The following MACROD2 variants were observed in gnomAD, a reference collection of about 807,000 sequenced individuals.
MACROD2 encodes the protein mono-ADP ribosylhydrolase 2, also known as ADP-ribose glycohydrolase MACROD2.
MACROD2 carries 36 observed loss-of-function variants against 70.4 expected under a neutral mutation model. The observed-to-expected ratio is 0.51, with a 90% confidence interval of 0.39 to 0.68. The LOEUF (loss-of-function observed/expected upper bound fraction) is 0.68. Among genes scored for constraint, MACROD2 ranks in the 30% least tolerant of loss-of-function variants. MACROD2 has a pLI of 0.00. For synonymous variants in MACROD2, 172 were observed against 178.8 expected, an observed-to-expected ratio of 0.96 and a Z score of 0.30; for missense variants, 496 against 538.4, an observed-to-expected ratio of 0.92 and a Z score of 0.78.
At chr20:15,741,148 G>A (rs2051099393) in intron 8 of MACROD2, among the ~76,000 whole-genome samples, 1 of 145,778 alleles carries the variant, frequency 6.9e-6, no homozygotes, top group Middle Eastern at 3.6e-3. Context: ...CTGGAGTGCA[G>A]TGGCGCAATC....
chr20:14,142,886 A>G (rs977834487), intron 3 of MACROD2, among the ~76,000 whole-genome samples: 1 of 152,152 alleles, frequency 6.6e-6, no homozygotes, highest in African/African-American at 2.4e-5. Context: ...CTTAAAAGAG[A>G]TACTTATGTC....
At chr20:14,551,373 T>TTTCAC (rs151333744) in intron 4 of MACROD2, among the ~76,000 whole-genome samples, 2,905 of 152,304 alleles carry the variant, frequency 0.019, 72 homozygotes, top group African/African-American at 0.045. Flanking sequence ...ATGGCATTGC[T>TTTCAC]TTCACTGCAA....
rs375680871 is a variant in MACROD2, at chr20:15,093,439, A to G, written c.419-136501A>G. 3.9e-4 allele frequency among the ~76,000 whole-genome samples: 60 copies of G among 151,958 alleles called. 1 individual carries two copies. In the East Asian group the frequency reaches 8.9e-3, roughly 23 times the overall value. ...TCTTCTTTCTCATTTCTTTGCTCCA[A>G]TGTTTAAATATTCCTGCCTTGTTAG... On this transcript the variant is annotated intron_variant, in intron 5 of 17. Transcript: ENST00000684519.
rs1568908470 is a variant in MACROD2, at chr20:14,977,497, ACAC to A, written c.419-252442_419-252440del. Among the ~76,000 whole-genome samples the A allele has an allele frequency of 4.4e-3, 660 of 151,708 alleles. 1 individual carries two copies. Among genetic ancestry groups the A allele is most frequent in the African/African-American group, 0.015 (641 of 41,362 alleles). On this transcript the variant is annotated intron_variant, in intron 5 of 17. Transcript: ENST00000684519. ...CACACACACACACACACACACACAC[ACAC>A]AATTAGGGTTTAGGGTGACCTGAAG...
At chr20:15,909,672 C>T (rs1021249313) in intron 10 of MACROD2, among the ~76,000 whole-genome samples, 2 of 151,602 alleles carry the variant, frequency 1.3e-5, no homozygotes, top group African/African-American at 2.4e-5. Flanking sequence ...TACAGGCGCC[C>T]GCCACTGCGC....
At chr20:15,772,830 A>T (rs1396969164) in intron 8 of MACROD2, among the ~76,000 whole-genome samples, 1 of 152,170 alleles carries the variant, frequency 6.6e-6, no homozygotes, top group African/African-American at 2.4e-5. Context: ...TTTCCCAAAA[A>T]TCTATTGCAG....
At chr20:14,442,926 T>C (rs968850474) in intron 3 of MACROD2, among the ~76,000 whole-genome samples, 1 of 151,418 alleles carries the variant, frequency 6.6e-6, no homozygotes, top group Non-Finnish European at 1.5e-5. Flanking sequence ...AATACAAAAA[T>C]AATTTAGCCC....
At chr20:15,207,015 C>T (rs1304705400) in intron 5 of MACROD2, among the ~76,000 whole-genome samples, 3 of 151,980 alleles carry the variant, frequency 2.0e-5, no homozygotes, top group East Asian at 1.9e-4. Context: ...GGATTACAGG[C>T]GTGAGCCACC....
At chr20:15,410,136 A>G (rs1460379905) in intron 6 of MACROD2, among the ~76,000 whole-genome samples, 1 of 152,196 alleles carries the variant, frequency 6.6e-6, no homozygotes, top group African/African-American at 2.4e-5. Flanking sequence ...TAATAAAAAC[A>G]CTTTAAAGCA....
At chr20:14,224,878 A>C (rs570821768) in intron 3 of MACROD2, among the ~76,000 whole-genome samples, 5 of 152,320 alleles carry the variant, frequency 3.3e-5, no homozygotes, top group Non-Finnish European at 7.3e-5. Context: ...AGCTGTCTGT[A>C]GAATTGCTAC....
At chr20:14,869,145 T>C (rs2073459947) in intron 5 of MACROD2, among the ~76,000 whole-genome samples, 1 of 152,168 alleles carries the variant, frequency 6.6e-6, no homozygotes, top group Admixed American at 6.5e-5. Context: ...TGATGGTTGT[T>C]GTTGAGTGAG....
chr20:14,510,960 G>C (rs139853794), intron 4 of MACROD2, among the ~76,000 whole-genome samples: 3 of 152,158 alleles, frequency 2.0e-5, no homozygotes, highest in African/African-American at 4.8e-5. Flanking sequence ...AAATGCTGTG[G>C]GTGTAGGTCC....
chr20:14,330,396 G>A (rs1051986391), intron 3 of MACROD2, among the ~76,000 whole-genome samples: 2 of 152,114 alleles, frequency 1.3e-5, no homozygotes, highest in Non-Finnish European at 2.9e-5. Flanking sequence ...GACCCTCAAA[G>A]TAAGGACTAA....
intron 8 of MACROD2, among the ~76,000 whole-genome samples, chr20:15,816,439 C>G (rs1178518413): frequency 6.6e-6 from 1 of 151,966 alleles, no homozygotes; most frequent in Non-Finnish European, 1.5e-5. Context: ...CCATACATGG[C>G]ATAGTCTTCG....
At chr20:15,606,878 T>G (rs2048900986) in intron 8 of MACROD2, among the ~76,000 whole-genome samples, 1 of 152,062 alleles carries the variant, frequency 6.6e-6, no homozygotes, top group Non-Finnish European at 1.5e-5. Context: ...GGCGCATGCC[T>G]TTAATCCCAG....
intron 5 of MACROD2, among the ~76,000 whole-genome samples, chr20:14,922,800 G>A (rs2074179649): frequency 6.6e-6 from 1 of 152,152 alleles, no homozygotes; most frequent in Non-Finnish European, 1.5e-5. Context: ...CAGTCAGTGA[G>A]ATAATTTCCT....
chr20:15,486,832 C>T (rs933495967), intron 7 of MACROD2, among the ~76,000 whole-genome samples: 6 of 152,196 alleles, frequency 3.9e-5, no homozygotes, highest in Non-Finnish European at 7.3e-5. Context: ...TTAGTTCTCA[C>T]TCAATGTATC....
intron 5 of MACROD2, among the ~76,000 whole-genome samples, chr20:15,065,531 G>A (rs1456378938): frequency 6.6e-6 from 1 of 151,942 alleles, no homozygotes; most frequent in African/African-American, 2.4e-5. Flanking sequence ...GGCAGCGGCT[G>A]TAGTCCCAGC....
intron 8 of MACROD2, among the ~76,000 whole-genome samples, chr20:15,755,368 A>G (rs1467749789): frequency 6.6e-6 from 1 of 152,224 alleles, no homozygotes; most frequent in Non-Finnish European, 1.5e-5. Flanking sequence ...TGTAAGAAGA[A>G]GTTTAAATAT....
Sources: allele counts gnomAD v4.1 joint callset (sites outside exome capture counted in the v4.1 genomes callset), GRCh38; gene constraint gnomAD v4.1.1; transcripts MANE v1.5; gene names NCBI Gene and HGNC (gene_info 2026-07-23, HGNC 2026-07-21).